TUBGCP3: variants seen among roughly 807,000 people sequenced by gnomAD.
TUBGCP3 encodes the protein tubulin gamma complex component 3.
TUBGCP3 carries 50 observed loss-of-function variants against 123.1 expected under a neutral mutation model. The observed-to-expected ratio is 0.41, with a 90% confidence interval of 0.32 to 0.51. The LOEUF (loss-of-function observed/expected upper bound fraction) is 0.51, where lower values mean the gene tolerates loss of function less well. Ranked by LOEUF, TUBGCP3 falls within the 20% of genes least tolerant of loss-of-function variation. The pLI, the probability that TUBGCP3 is intolerant of heterozygous loss-of-function variation, is 0.36. For missense variants in TUBGCP3, 882 were observed against 1,127.0 expected, an observed-to-expected ratio of 0.78 and a Z score of 3.11; for synonymous variants, 405 against 413.9, an observed-to-expected ratio of 0.98 and a Z score of 0.26.
intron 8 of TUBGCP3, among the ~76,000 whole-genome samples, chr13:112,550,750 C>T (rs1879492430): frequency 6.6e-6 from 1 of 152,190 alleles, no homozygotes; most frequent in Non-Finnish European, 1.5e-5. Context: ...AAACTCCATC[C>T]CAGCCCCAGG....
chr13:112,485,609 G>A lies in TUBGCP3; in HGVS notation c.*384C>T, dbSNP rs144259177. On this transcript the variant is annotated 3_prime_UTR_variant, in exon 22 of 22. Coordinates refer to ENST00000261965, the MANE Select transcript of TUBGCP3 (RefSeq NM_006322.6). ...AGGATGTTAAAAAAATAGCAATGAC[G>A]TTACCATCTTAACTAATGAATATCC... The A allele has an allele frequency of 4.2e-3, 737 of 174,558 alleles. 4 individuals are homozygous for A. The highest frequency in any genetic ancestry group is 0.017 in the African/African-American group (705 of 42,578). 10.8% of individuals were successfully genotyped at this position (174,558 alleles called of 1,614,324 possible). A position where few individuals can be genotyped will look rare whatever the true frequency, so the allele number is the denominator to read the frequency against.
intron 17 of TUBGCP3, among the ~76,000 whole-genome samples, chr13:112,507,657 A>ATT (rs1881392135): frequency 6.6e-6 from 1 of 152,176 alleles, no homozygotes; most frequent in South Asian, 2.1e-4. Context: ...CTCCGCCTGC[A>ATT]TTTCTGAGGC....
Position 112,519,831 on chromosome 13 carries a change from G to A in TUBGCP3, c.1881+55C>T. ...GGAAAACACTCGCTAGAACACCCCGGCCCAGTGGGTCCTCGGTGCCGGGGC... is the reference window on the plus strand; with the variant it reads ...GGAAAACACTCGCTAGAACACCCCGACCCAGTGGGTCCTCGGTGCCGGGGC... On this transcript the variant is annotated intron_variant, in intron 15 of 21. Transcript: ENST00000261965. The surrounding 1 kb of genome is among the most constrained non-coding windows in gnomAD (Gnocchi z 6.2). The A allele has an allele frequency of 6.3e-7, 1 of 1,585,350 alleles. No individual in the cohort carries two copies. Among genetic ancestry groups the A allele is most frequent in the Non-Finnish European group, 8.6e-7 (1 of 1,164,106 alleles).
chr13:112,556,342 A>G (rs1000221436), intron 5 of TUBGCP3, 118 bp from the exon 6 acceptor site: 6 of 975,524 alleles, frequency 6.2e-6, no homozygotes, highest in Non-Finnish European at 9.0e-6. Context: ...AATCTGGTAT[A>G]GCTGATACCA....
At chr13:112,516,384 G>T (rs1229020313) in intron 17 of TUBGCP3, 56 bp downstream of exon 17, 3 of 1,470,236 alleles carry the variant, frequency 2.0e-6, no homozygotes, top group South Asian at 1.4e-5. Context: ...CGCACCCAGT[G>T]GGGGCTGGAG....
At chr13:112,487,089 G>C (rs868786693) in intron 21 of TUBGCP3, among the ~76,000 whole-genome samples, 2 of 136,900 alleles carry the variant, frequency 1.5e-5, no homozygotes, top group Admixed American at 7.2e-5. Context: ...GTGTCTGTGT[G>C]TGTGTGTGTG....
At chr13:112,588,267 G>C (rs1165742738), upstream of TUBGCP3, 1 of 284,826 alleles carries the variant, frequency 3.5e-6, no homozygotes, top group Non-Finnish European at 6.5e-6. Context: ...GGTCGGCCGA[G>C]AAAGTTCCGG....
chr13:112,544,029 A>G (rs980119987), intron 11 of TUBGCP3, among the ~76,000 whole-genome samples: 12 of 152,326 alleles, frequency 7.9e-5, no homozygotes, highest in Admixed American at 1.3e-4. Flanking sequence ...AGGTGAAAAT[A>G]TTCTTATTAA....
chr13:112,530,203 T>C (rs138312066), intron 11 of TUBGCP3, among the ~76,000 whole-genome samples: 1 of 152,326 alleles, frequency 6.6e-6, no homozygotes, highest in East Asian at 1.9e-4. Context: ...TTTGTGAATA[T>C]GAATAAACTC....
intron 16 of TUBGCP3, among the ~76,000 whole-genome samples, chr13:112,517,230 C>G (rs1388917152): frequency 3.3e-5 from 5 of 152,120 alleles, no homozygotes; most frequent in Non-Finnish European, 5.9e-5. Context: ...GTTAGCCAGG[C>G]TGGTCTCGAA....
chr13:112,533,089 G>A (rs1877720878), intron 11 of TUBGCP3, among the ~76,000 whole-genome samples: 1 of 152,210 alleles, frequency 6.6e-6, no homozygotes, highest in African/African-American at 2.4e-5. Flanking sequence ...AGAGCTTCCA[G>A]GAAGGAAGAC....
At position 112,572,901 on chromosome 13, in the gene TUBGCP3, T is replaced by C. The variant is rs1881527140; in HGVS notation, c.77-3642A>G. ...TTGCCCAACGCAGGGTGCCAAAAAC[T>C]TCCAATTGTCAAATAACGCAGTATC... On this transcript the variant is annotated intron_variant, in intron 1 of 21. Transcript: ENST00000261965. Among the ~76,000 whole-genome samples the C allele has an allele frequency of 3.9e-5, 6 of 152,154 alleles. No homozygotes were observed. In the East Asian group the frequency reaches 9.7e-4, roughly 24 times the overall value.
intron 17 of TUBGCP3, among the ~76,000 whole-genome samples, chr13:112,512,576 C>T (rs1351457601): frequency 6.6e-6 from 1 of 151,768 alleles, no homozygotes; most frequent in South Asian, 2.1e-4. Context: ...TCTACTAAAA[C>T]TACAAAAAAT....
rs1417332163 is a variant in TUBGCP3 at position 112,487,047 on chromosome 13, C to CTG, written c.2566-898_2566-897dup. Among the ~76,000 whole-genome samples, 1,216 of 121,664 alleles carry CTG rather than the reference C, an allele frequency of 1.0e-2. 10 individuals carry two copies. The highest frequency in any genetic ancestry group is 0.02 in the Admixed American group (239 of 11,676). The allele number at this position is 121,664 out of a possible 152,430, so 79.8% of individuals were successfully genotyped here. ...AACTTCACCTCTGAGCAGGCAAACA[C>CTG]TGTGTATGTGTGTGTGTGTGTGTGT... On this transcript the variant is annotated intron_variant, in intron 21 of 21. Coordinates refer to ENST00000261965, the MANE Select transcript of TUBGCP3 (RefSeq NM_006322.6).
chr13:112,548,724 C>T (rs1017048606), intron 8 of TUBGCP3, among the ~76,000 whole-genome samples: 2 of 152,166 alleles, frequency 1.3e-5, no homozygotes, highest in African/African-American at 4.8e-5. Flanking sequence ...AGCCAACAGA[C>T]ACATGAAAAA....
At chr13:112,558,527 G>T in intron 4 of TUBGCP3, 114 bp from the exon 5 acceptor site, 1 of 900,828 alleles carries the variant, frequency 1.1e-6, no homozygotes, top group Non-Finnish European at 1.6e-6. Context: ...CTGGATTTGG[G>T]TTCCATACTT....
chr13:112,491,693 C>T (rs1480262416), intron 20 of TUBGCP3, among the ~76,000 whole-genome samples: 2 of 152,188 alleles, frequency 1.3e-5, no homozygotes, highest in Non-Finnish European at 2.9e-5. Flanking sequence ...GCTATATTGC[C>T]CAGGCAGCTC....
At position 112,587,879 on chromosome 13, in the gene TUBGCP3, G is replaced by A. The variant is rs368122141; in HGVS notation, c.76+26C>T. The A allele has an allele frequency of 6.3e-6, 10 of 1,581,212 alleles. No individual in the cohort carries two copies. The East Asian group carries it at 1.2e-4, about 19-fold the overall frequency. On this transcript the variant is annotated intron_variant, in intron 1 of 21. Transcript: ENST00000261965. Reference sequence around the variant, plus strand: ...GAGCAGCCCCCGGGACGGGTCTGCGGGCTTCGCGTCGCCCGGCCACTCTAC... The same window carrying A: ...GAGCAGCCCCCGGGACGGGTCTGCGAGCTTCGCGTCGCCCGGCCACTCTAC...
At chr13:112,507,796 G>C (rs1001889955) in intron 17 of TUBGCP3, among the ~76,000 whole-genome samples, 1 of 152,142 alleles carries the variant, frequency 6.6e-6, no homozygotes, top group Non-Finnish European at 1.5e-5. Flanking sequence ...ATGAAACCAG[G>C]AATTTTTTTC....
Sources: gnomAD v4.1 joint callset for allele counts (sites outside exome capture counted in the v4.1 genomes callset) on GRCh38, gnomAD v4.1.1 for gene constraint, Gnocchi (gnomAD v3.1) non-coding constraint, MANE v1.5 for transcripts, NCBI Gene and HGNC (gene_info 2026-07-23, HGNC 2026-07-21) for gene names.